Variants in TBX5 observed in about 807,000 individuals in gnomAD.
The protein encoded by TBX5 is T-box transcription factor TBX5.
A neutral mutation model predicts 51.1 loss-of-function variants in TBX5; 8 were observed. That is an observed-to-expected ratio of 0.16 (90% CI 0.09 to 0.28). The LOEUF (loss-of-function observed/expected upper bound fraction) is 0.28, where lower values mean the gene tolerates loss of function less well. TBX5 is among the 10% of genes least tolerant of loss of function. TBX5 has a pLI of 1.00. For synonymous variants in TBX5, 302 were observed against 266.4 expected, an observed-to-expected ratio of 1.13 and a Z score of -1.30; for missense variants, 589 against 671.7, an observed-to-expected ratio of 0.88 and a Z score of 1.36.
intron 3 of TBX5, among the ~76,000 whole-genome samples, chr12:114,400,864 A>T (rs900315245): frequency 5.9e-5 from 9 of 152,174 alleles, no homozygotes; most frequent in African/African-American, 9.7e-5. Flanking sequence ...CACTGTTGTC[A>T]GTTTATTGAG....
chr12:114,355,254 T>G lies in TBX5; in HGVS notation c.*278A>C. 2.0e-6 allele frequency: 1 copy of G among 491,142 alleles called. No homozygotes were observed. Among genetic ancestry groups the G allele is most frequent in the Non-Finnish European group, 3.8e-6 (1 of 263,572 alleles). The allele number at this position is 491,142 out of a possible 1,614,324, so 30.4% of individuals were successfully genotyped here. A position where few individuals can be genotyped will look rare whatever the true frequency, so the allele number is the denominator to read the frequency against. On this transcript the variant is annotated 3_prime_UTR_variant, in exon 9 of 9. Coordinates refer to ENST00000405440, the MANE Select transcript of TBX5 (RefSeq NM_181486.4). ...ATCTGGGGAGTAGCGTGAATGTGGCTGGTTGATGGGTGTGGTGGTAGTGGG... is the reference window on the plus strand; with the variant it reads ...ATCTGGGGAGTAGCGTGAATGTGGCGGGTTGATGGGTGTGGTGGTAGTGGG...
rs11067085 is a variant in TBX5 at position 114,373,612 on chromosome 12, T to C, written c.756-7221A>G. On this transcript the variant is annotated intron_variant, in intron 7 of 8. Coordinates refer to ENST00000405440, the MANE Select transcript of TBX5 (RefSeq NM_181486.4). Reference sequence around the variant, plus strand: ...TAGCTGGGACTGCAAGCACCCACCATCATGCCCAGCTAATTTTTGTATTTT... The same window carrying C: ...TAGCTGGGACTGCAAGCACCCACCACCATGCCCAGCTAATTTTTGTATTTT... Among the ~76,000 whole-genome samples, 5,047 of 152,180 alleles carry C rather than the reference T, an allele frequency of 0.033. 377 individuals carry two copies. In the East Asian group the frequency reaches 0.35, roughly 11 times the overall value.
intron 3 of TBX5, among the ~76,000 whole-genome samples, chr12:114,400,558 A>G (rs1341398490): frequency 6.6e-6 from 1 of 152,220 alleles, no homozygotes; most frequent in Non-Finnish European, 1.5e-5. Context: ...CGATGGCGGG[A>G]ACGGTCGAAT....
intron 6 of TBX5, among the ~76,000 whole-genome samples, chr12:114,387,791 T>C (rs1258148428): frequency 6.6e-6 from 1 of 152,184 alleles, no homozygotes. Context: ...TCTTGGTATG[T>C]TCTGCACAAC....
chr12:114,378,459 C>T (rs779853578), intron 7 of TBX5, among the ~76,000 whole-genome samples: 12 of 152,158 alleles, frequency 7.9e-5, no homozygotes, highest in South Asian at 2.1e-4. Context: ...GAACATGGAC[C>T]GTGTCTTAAC....
intron 5 of TBX5, among the ~76,000 whole-genome samples, chr12:114,396,651 G>A (rs1871448884): frequency 6.6e-6 from 1 of 152,144 alleles, no homozygotes; most frequent in Non-Finnish European, 1.5e-5. Flanking sequence ...GCTGAAATGA[G>A]CCTGGGGAAC....
At chr12:114,393,639 G>A (rs1367751957) in intron 6 of TBX5, among the ~76,000 whole-genome samples, 2 of 152,198 alleles carry the variant, frequency 1.3e-5, no homozygotes, top group South Asian at 2.1e-4. Flanking sequence ...GCTATAGGCA[G>A]CCTGCTCCAA....
intron 7 of TBX5, among the ~76,000 whole-genome samples, chr12:114,373,062 T>C (rs1870004532): frequency 6.6e-6 from 1 of 151,910 alleles, no homozygotes; most frequent in Admixed American, 6.6e-5. Context: ...TTTGTAAATA[T>C]ACATTATTAT....
intron 6 of TBX5, among the ~76,000 whole-genome samples, chr12:114,390,989 G>C (rs549153827): frequency 1.3e-5 from 2 of 152,108 alleles, no homozygotes; most frequent in African/African-American, 4.8e-5. Flanking sequence ...AATGTGTCTC[G>C]TCATTAGGGG....
At chr12:114,390,153 C>T (rs974108663) in intron 6 of TBX5, among the ~76,000 whole-genome samples, 12 of 152,172 alleles carry the variant, frequency 7.9e-5, no homozygotes, top group Admixed American at 2.0e-4. Context: ...GATCTTTACA[C>T]GTAACTTCTT....
intron 2 of TBX5, among the ~76,000 whole-genome samples, chr12:114,402,683 T>C (rs111452235): frequency 0.011 from 1,634 of 152,192 alleles, 21 homozygotes; most frequent in African/African-American, 0.036. Context: ...TAAAACTAAA[T>C]TTACAGAACC....
chr12:114,399,219 G>C (rs1871637246), intron 4 of TBX5, among the ~76,000 whole-genome samples: 1 of 152,178 alleles, frequency 6.6e-6, no homozygotes, highest in South Asian at 2.1e-4. Flanking sequence ...AATACCTCCA[G>C]CACTTGGTAA....
intron 4 of TBX5, among the ~76,000 whole-genome samples, chr12:114,399,213 C>T (rs371645189): frequency 1.3e-5 from 2 of 152,260 alleles, no homozygotes; most frequent in Middle Eastern, 3.4e-3. Context: ...CCCAGAAATA[C>T]CTCCAGCACT....
intron 6 of TBX5, among the ~76,000 whole-genome samples, chr12:114,394,017 A>G (rs530907590): frequency 3.0e-4 from 46 of 152,346 alleles, no homozygotes; most frequent in African/African-American, 1.1e-3. Flanking sequence ...TTGCCAGTTG[A>G]GTGGCAAAAT....
At chr12:114,392,198 AAAT>A (rs1871188422) in intron 6 of TBX5, among the ~76,000 whole-genome samples, 1 of 143,424 alleles carries the variant, frequency 7.0e-6, no homozygotes, top group Non-Finnish European at 1.5e-5. Context: ...AAAAAAAAAA[AAAT>A]CACACATACA....
chr12:114,389,342 C>T (rs1409821605), intron 6 of TBX5, among the ~76,000 whole-genome samples: 1 of 152,132 alleles, frequency 6.6e-6, no homozygotes, highest in Admixed American at 6.5e-5. Flanking sequence ...TCTAAAAACC[C>T]AACATCTAAT....
chr12:114,408,292 A>T (rs1872355810), upstream of TBX5: 3 of 852,056 alleles, frequency 3.5e-6, no homozygotes, highest in Non-Finnish European at 4.2e-6. Context: ...GAGGGTGATG[A>T]ACATAAGACA....
intron 3 of TBX5, among the ~76,000 whole-genome samples, chr12:114,400,958 C>T (rs1240568902): frequency 3.3e-5 from 5 of 152,168 alleles, no homozygotes; most frequent in Non-Finnish European, 7.3e-5. Context: ...GTGGCTTGGG[C>T]CTACCGTTCG....
upstream of TBX5, chr12:114,406,956 G>C: frequency 2.9e-6 from 2 of 682,756 alleles, no homozygotes; most frequent in Non-Finnish European, 3.6e-6. Context: ...TTGGTGCTTG[G>C]AGTAAATGTC....
Sources: gnomAD v4.1 joint callset for allele counts (sites outside exome capture counted in the v4.1 genomes callset) on GRCh38, gnomAD v4.1.1 for gene constraint, MANE v1.5 for transcripts, NCBI Gene and HGNC (gene_info 2026-07-23, HGNC 2026-07-21) for gene names.